MTUS2: variants seen among roughly 807,000 people sequenced by gnomAD.
MTUS2 encodes the protein microtubule-associated tumor suppressor candidate 2.
In MTUS2, 40 loss-of-function variants were observed where a neutral mutation model predicts 114.1. The observed-to-expected ratio is 0.35, with a 90% CI of 0.27 to 0.46. The LOEUF (loss-of-function observed/expected upper bound fraction) is 0.46, where lower values mean the gene tolerates loss of function less well. Ranked by LOEUF, MTUS2 falls within the 20% of genes least tolerant of loss-of-function variation. The probability of loss-of-function intolerance (pLI) is 1.00; values close to 1 mark genes in which losing one functional copy is unlikely to be tolerated. For synonymous variants in MTUS2, 688 were observed against 672.0 expected (o/e 1.02, Z -0.37); for missense variants, 1,679 against 1,705.4 (o/e 0.98, Z 0.27).
chr13:29,348,667 C>T (rs1868953627), intron 7 of MTUS2, among the ~76,000 whole-genome samples: 1 of 152,220 alleles, frequency 6.6e-6, no homozygotes, highest in Non-Finnish European at 1.5e-5. Context: ...AAATCTCAGA[C>T]TGTAATTGCA....
chr13:29,024,094 T>C (rs1022731494), intron 2 of MTUS2, among the ~76,000 whole-genome samples: 5 of 152,220 alleles, frequency 3.3e-5, no homozygotes, highest in Non-Finnish European at 7.3e-5. Flanking sequence ...ATGTAGCGAT[T>C]GCAAAATAGT....
At chr13:29,351,774 G>A in intron 7 of MTUS2, among the ~76,000 whole-genome samples, 1 of 62,462 alleles carries the variant, frequency 1.6e-5, no homozygotes, top group East Asian at 8.7e-4. Flanking sequence ...GGCTAATTTT[G>A]TTTATTTTTT....
chr13:28,995,235 G>A (rs901621190), intron 2 of MTUS2, among the ~76,000 whole-genome samples: 2 of 152,174 alleles, frequency 1.3e-5, no homozygotes, highest in Non-Finnish European at 2.9e-5. Flanking sequence ...ATTTCTGAGG[G>A]CTGTGTTCTG....
chr13:28,970,078 C>G (rs1281188681), intron 2 of MTUS2, among the ~76,000 whole-genome samples: 2 of 152,142 alleles, frequency 1.3e-5, no homozygotes, highest in African/African-American at 4.8e-5. Flanking sequence ...CCACACCTGG[C>G]CAAAACCATG....
chr13:29,448,912 C>T (rs1311684319), intron 9 of MTUS2, among the ~76,000 whole-genome samples: 1 of 151,942 alleles, frequency 6.6e-6, no homozygotes, highest in East Asian at 1.9e-4. Context: ...GGCCACCACG[C>T]CCGGCTAGTT....
chr13:29,436,206 CTTG>C (rs1380009493), intron 8 of MTUS2, among the ~76,000 whole-genome samples: 3 of 152,104 alleles, frequency 2.0e-5, no homozygotes, highest in Non-Finnish European at 4.4e-5. Flanking sequence ...CAATTTGGAT[CTTG>C]TTGTTGCATC....
At chr13:29,305,087 A>C (rs1290937532) in intron 6 of MTUS2, among the ~76,000 whole-genome samples, 9 of 152,246 alleles carry the variant, frequency 5.9e-5, no homozygotes, top group African/African-American at 2.2e-4. Context: ...TTTGAAACTA[A>C]TGAGAACAAA....
At chr13:29,236,073 TG>T (rs1896524534) in intron 5 of MTUS2, among the ~76,000 whole-genome samples, 1 of 152,214 alleles carries the variant, frequency 6.6e-6, no homozygotes, top group Non-Finnish European at 1.5e-5. Context: ...AATGTTTGTA[TG>T]GTATATTGAG....
chr13:29,102,888 T>C (rs1375688941), intron 5 of MTUS2, among the ~76,000 whole-genome samples: 1 of 152,316 alleles, frequency 6.6e-6, no homozygotes, highest in East Asian at 1.9e-4. Flanking sequence ...AGTCCTTAGA[T>C]CAACTTCTCA....
intron 1 of MTUS2, among the ~76,000 whole-genome samples, chr13:28,835,571 T>C (rs2137966821): frequency 6.6e-6 from 1 of 152,280 alleles, no homozygotes; most frequent in East Asian, 1.9e-4. Context: ...TGGAATTTGA[T>C]AGTGGCGATG....
chr13:28,985,614 C>T (rs1186558574), intron 2 of MTUS2, among the ~76,000 whole-genome samples: 1 of 146,792 alleles, frequency 6.8e-6, no homozygotes, highest in Non-Finnish European at 1.5e-5. Context: ...GGTTTTAATT[C>T]AGTGCCGTTG....
chr13:29,305,031 A>G (rs774424372), intron 6 of MTUS2, among the ~76,000 whole-genome samples: 23 of 152,198 alleles, frequency 1.5e-4, no homozygotes, highest in Non-Finnish European at 2.5e-4. Flanking sequence ...CTGCTTCTGA[A>G]AGACTCTTGG....
chr13:29,038,877 G>A (rs1300288296), intron 4 of MTUS2, among the ~76,000 whole-genome samples: 1 of 152,184 alleles, frequency 6.6e-6, no homozygotes, highest in Non-Finnish European at 1.5e-5. Flanking sequence ...CTCAGGAATT[G>A]CCCCTCCCTC....
chr13:29,320,603 G>A (rs1215905215), intron 6 of MTUS2, among the ~76,000 whole-genome samples: 1 of 152,206 alleles, frequency 6.6e-6, no homozygotes, highest in African/African-American at 2.4e-5. Context: ...AGGAGATCCT[G>A]GAGGATGCTT....
chr13:29,325,046 G>T (rs1900422415), intron 7 of MTUS2, among the ~76,000 whole-genome samples: 1 of 152,190 alleles, frequency 6.6e-6, no homozygotes, highest in African/African-American at 2.4e-5. Context: ...AAAGGAAGAA[G>T]AACAGAGATA....
intron 4 of MTUS2, among the ~76,000 whole-genome samples, chr13:29,064,360 G>A (rs1052408338): frequency 6.7e-5 from 10 of 149,962 alleles, no homozygotes; most frequent in African/African-American, 2.2e-4. Context: ...CAGATTGTGG[G>A]GGGATTTCAG....
intron 2 of MTUS2, among the ~76,000 whole-genome samples, chr13:28,905,484 A>G (rs1395819514): frequency 1.3e-5 from 2 of 151,656 alleles, no homozygotes; most frequent in Non-Finnish European, 1.5e-5. Context: ...ATTTTGTCAA[A>G]GGCCTTTTCT....
At chr13:28,910,412 TG>T (rs1566216643) in intron 2 of MTUS2, among the ~76,000 whole-genome samples, 9 of 152,176 alleles carry the variant, frequency 5.9e-5, no homozygotes, top group African/African-American at 2.2e-4. Context: ...AGGGAAGATG[TG>T]TAGGATGTTC....
chr13:28,889,549 T>G (rs1482694430), intron 2 of MTUS2, among the ~76,000 whole-genome samples: 1 of 152,198 alleles, frequency 6.6e-6, no homozygotes, highest in Non-Finnish European at 1.5e-5. Flanking sequence ...TTTTCAAGGA[T>G]TCCACGTGTT....
Sources: gnomAD v4.1 joint callset for allele counts (sites outside exome capture counted in the v4.1 genomes callset) on GRCh38, gnomAD v4.1.1 for gene constraint, MANE v1.5 for transcripts, NCBI Gene and HGNC (gene_info 2026-07-23, HGNC 2026-07-21) for gene names.